CFAP53: variants seen among roughly 807,000 people sequenced by gnomAD.
CFAP53 encodes cilia- and flagella-associated protein 53.
A neutral mutation model predicts 59.7 loss-of-function variants in CFAP53; 62 were observed. The observed-to-expected ratio is 1.04, with a 90% CI of 0.85 to 1.28. The LOEUF is 1.28. Ranked by LOEUF, CFAP53 falls within the 50% of genes most tolerant of loss-of-function variation. The pLI, the probability that CFAP53 is intolerant of heterozygous loss-of-function variation, is 0.00. For synonymous variants in CFAP53, 218 were observed against 205.7 expected, an observed-to-expected ratio of 1.06 and a Z score of -0.51; for missense variants, 629 against 615.6, an observed-to-expected ratio of 1.02 and a Z score of -0.23.
intron 6 of CFAP53, among the ~76,000 whole-genome samples, chr18:50,242,217 C>T (rs2033696922): frequency 6.6e-6 from 1 of 152,160 alleles, no homozygotes; most frequent in South Asian, 2.1e-4. Context: ...TCATATTGTT[C>T]AAACACACAT....
In CFAP53 at chr18:50,250,965, GTT is replaced by G; in HGVS notation, c.787_788del (p.Asn263ArgfsTer4). 3 of 1,613,534 alleles carry G rather than the reference GTT, an allele frequency of 1.9e-6. No homozygotes were observed. The highest frequency in any genetic ancestry group is 2.5e-6 in the Non-Finnish European group (3 of 1,179,684). ...GTTCATTCTCATGTTTAATCTGTGC[GTT>G]GTTACTTTCCTAAGGTAGAATCATA... ...EEEARLVESN[N>X]AQIKHENEQD... is the part of the protein sequence containing the mutation. On this transcript the variant is annotated frameshift_variant, in exon 5 of 8. Transcript: ENST00000398545. LOFTEE classifies it high-confidence loss of function.
At chr18:50,232,948 T>C (rs1232395662) in intron 7 of CFAP53, among the ~76,000 whole-genome samples, 1 of 152,234 alleles carries the variant, frequency 6.6e-6, no homozygotes, top group Non-Finnish European at 1.5e-5. Context: ...TCTAACATCC[T>C]AACCCCTGAT....
At chr18:50,265,217 T>C (rs1478187590) in intron 1 of CFAP53, among the ~76,000 whole-genome samples, 1 of 152,214 alleles carries the variant, frequency 6.6e-6, no homozygotes, top group Non-Finnish European at 1.5e-5. Context: ...CTGAAGCTTT[T>C]TGAGCACCCA....
At chr18:50,250,609 T>C in intron 5 of CFAP53, 149 bp downstream of exon 5, 1 of 647,780 alleles carries the variant, frequency 1.5e-6, no homozygotes, top group Non-Finnish European at 2.7e-6. Flanking sequence ...TTTCTGTTTC[T>C]AACATTTTCC....
At chr18:50,237,088 C>T (rs1011904944) in intron 7 of CFAP53, among the ~76,000 whole-genome samples, 7 of 150,828 alleles carry the variant, frequency 4.6e-5, no homozygotes, top group African/African-American at 1.2e-4. Context: ...GGGTGGATCA[C>T]GAGGTCAGGA....
chr18:50,229,726 CTTTT>C (rs200521172), intron 7 of CFAP53, among the ~76,000 whole-genome samples: 1 of 121,002 alleles, frequency 8.3e-6, no homozygotes, highest in Middle Eastern at 4.5e-3. Flanking sequence ...TAGTCTCTTT[CTTTT>C]TTTCTTTTTC....
At chr18:50,263,541 A>G (rs1171410395) in intron 1 of CFAP53, among the ~76,000 whole-genome samples, 2 of 152,228 alleles carry the variant, frequency 1.3e-5, no homozygotes, top group Non-Finnish European at 2.9e-5. Flanking sequence ...GCTGGGGGTT[A>G]TATCATGGAA....
chr18:50,260,712 A>G (rs1349465948), intron 3 of CFAP53, among the ~76,000 whole-genome samples: 3 of 152,126 alleles, frequency 2.0e-5, no homozygotes, highest in Admixed American at 1.3e-4. Flanking sequence ...CACATGCAGC[A>G]CAGGTAGAGA....
chr18:50,229,986 G>A (rs957207475), intron 7 of CFAP53, among the ~76,000 whole-genome samples: 1 of 151,954 alleles, frequency 6.6e-6, no homozygotes, highest in African/African-American at 2.4e-5. Flanking sequence ...TCAAACTCCT[G>A]GGTTCAAGAG....
rs773088539 is a variant in CFAP53, at chr18:50,251,982, T to TAAAGC, written c.474-203_474-199dup. Among the ~76,000 whole-genome samples the TAAAGC allele has an allele frequency of 3.9e-5, 6 of 152,132 alleles. No homozygotes were observed. In the East Asian group the frequency reaches 1.2e-3, roughly 29 times the overall value. The stretch of plus-strand genomic sequence containing the variant: ...CACAGCCTGACTATGAAAACTGGAG[T>TAAAGC]AAAGCAAAGGCAGCCCTGACTCCAT... On this transcript the variant is annotated intron_variant, in intron 3 of 7. Transcript: ENST00000398545.
At chr18:50,258,419 A>G (rs113108414) in intron 3 of CFAP53, among the ~76,000 whole-genome samples, 1 of 152,230 alleles carries the variant, frequency 6.6e-6, no homozygotes, top group East Asian at 1.9e-4. Context: ...GAATGAAAAT[A>G]GACCCTATCT....
Position 50,250,934 on chromosome 18 carries a change from T to C in CFAP53, c.820A>G (p.Met274Val). The stretch of plus-strand genomic sequence containing the variant: ...TGCTTTGCCTTCTGTTTCTTTAGCA[T>C]ATCCTGTTCATTCTCATGTTTAATC... ...AQIKHENEQD[M>V]LKKQKAKQET... Residue 274 changes from methionine (M) to valine (V), a missense_variant, in exon 5 of 8, where the codon ATG becomes GTG. By Grantham distance (21) the Met-to-Val change is conservative. Coordinates refer to ENST00000398545, the MANE Select transcript of CFAP53 (RefSeq NM_145020.5). 1 of 1,614,212 alleles carries C rather than the reference T, an allele frequency of 6.2e-7. No individual in the cohort carries two copies. The highest frequency in any genetic ancestry group is 1.1e-5 in the South Asian group (1 of 91,084).
intron 7 of CFAP53, among the ~76,000 whole-genome samples, chr18:50,235,990 T>C (rs550335956): frequency 2.6e-5 from 4 of 152,358 alleles, no homozygotes; most frequent in East Asian, 3.9e-4. Flanking sequence ...GTCAGGCTGG[T>C]GGAACCAGGA....
intron 1 of CFAP53, among the ~76,000 whole-genome samples, chr18:50,263,980 T>G (rs1342896624): frequency 6.6e-6 from 1 of 152,256 alleles, no homozygotes; most frequent in Non-Finnish European, 1.5e-5. Flanking sequence ...AGTCGTGGTA[T>G]TGTTCAAAGT....
Position 50,262,164 on chromosome 18 carries a change from C to T in CFAP53, c.125G>A (p.Arg42His), listed in dbSNP as rs373884778. The change falls in exon 2 of 8, where the codon CGC becomes CAC. Residue 42 changes from arginine (R) to histidine (H), a missense_variant. Coordinates refer to ENST00000398545, the MANE Select transcript of CFAP53 (RefSeq NM_145020.5). ...AATAGCATTATGCTTCTGATGGCTG[C>T]GTCGGATTCTTTCTAGATGGTGCTC... ...GAEHHLERIR[R>H]SHQKHNAILA... 64 of 1,614,172 alleles carry T rather than the reference C, an allele frequency of 4.0e-5. No homozygotes were observed. In the East Asian group the frequency reaches 1.1e-3, roughly 28 times the overall value.
At chr18:50,252,888 C>A (rs776936643) in intron 3 of CFAP53, among the ~76,000 whole-genome samples, 9 of 152,230 alleles carry the variant, frequency 5.9e-5, no homozygotes, top group African/African-American at 1.9e-4. Flanking sequence ...TGCTGGCACA[C>A]GCCTGTAGTC....
intron 5 of CFAP53, among the ~76,000 whole-genome samples, chr18:50,246,820 T>A (rs2033749235): frequency 6.6e-6 from 1 of 150,532 alleles, no homozygotes; most frequent in Non-Finnish European, 1.5e-5. Flanking sequence ...CTGAGGTGGG[T>A]GGATCGCCTA....
intron 3 of CFAP53, among the ~76,000 whole-genome samples, chr18:50,260,572 G>A (rs1258467224): frequency 6.6e-6 from 1 of 152,122 alleles, no homozygotes; most frequent in Non-Finnish European, 1.5e-5. Flanking sequence ...GGCTGAGGTG[G>A]GAGGATCACT....
chr18:50,263,260 G>A (rs1454135517), intron 1 of CFAP53, among the ~76,000 whole-genome samples: 1 of 152,108 alleles, frequency 6.6e-6, no homozygotes, highest in African/African-American at 2.4e-5. Flanking sequence ...GTCATCCTTA[G>A]GTAAGTTGTG....
Sources: allele counts gnomAD v4.1 joint callset (sites outside exome capture counted in the v4.1 genomes callset), GRCh38; gene constraint gnomAD v4.1.1; transcripts MANE v1.5; gene names NCBI Gene and HGNC (gene_info 2026-07-23, HGNC 2026-07-21).